The following DMXL1 variants were observed in gnomAD, a reference collection of about 807,000 sequenced individuals.
The protein encoded by DMXL1 is Dmx like 1.
A neutral mutation model predicts 319.2 loss-of-function variants in DMXL1; 99 were observed. The ratio of observed to expected loss-of-function variants is 0.31; its 90% confidence interval spans 0.26 to 0.37. The LOEUF is 0.37. Among genes scored for constraint, DMXL1 ranks in the 10% least tolerant of loss-of-function variants. DMXL1 has a pLI of 1.00. For missense variants in DMXL1, 3,745 were observed against 3,595.6 expected (o/e 1.04, Z -1.06); for synonymous variants, 1,385 against 1,235.2 (o/e 1.12, Z -2.54).
At chr5:119,227,343 A>C (rs1198446898) in intron 38 of DMXL1, among the ~76,000 whole-genome samples, 4 of 152,180 alleles carry the variant, frequency 2.6e-5, no homozygotes, top group Non-Finnish European at 5.9e-5. Flanking sequence ...ATATAAGCCT[A>C]GCTGAGTAAA....
chr5:119,073,205 G>T (rs1750038057), intron 1 of DMXL1, among the ~76,000 whole-genome samples: 1 of 152,180 alleles, frequency 6.6e-6, no homozygotes, highest in Admixed American at 6.6e-5. Context: ...TAGGACTACA[G>T]ATTCTAATCA....
At chr5:119,091,000 TG>T (rs1427975784) in intron 1 of DMXL1, among the ~76,000 whole-genome samples, 1 of 152,152 alleles carries the variant, frequency 6.6e-6, no homozygotes, top group Non-Finnish European at 1.5e-5. Context: ...GATTTCTGTT[TG>T]ATTTTTTAAA....
intron 4 of DMXL1, among the ~76,000 whole-genome samples, chr5:119,107,549 A>T (rs1052734345): frequency 1.3e-5 from 2 of 152,116 alleles, no homozygotes; most frequent in Non-Finnish European, 2.9e-5. Context: ...GTAATTTAAT[A>T]TCTGTAATAT....
In DMXL1 at chr5:119,170,313, C is replaced by G. The variant is rs1774295341; in HGVS notation, c.5522C>G (p.Thr1841Arg). Residue 1841 changes from threonine (T) to arginine (R), a missense_variant, in exon 24 of 44, where the codon ACA (threonine) becomes AGA (arginine). This residue lies in a region of DMXL1 where 1,382 missense variants were observed against 1,269.5 expected (regional missense o/e 1.09). Transcript: ENST00000539542. ...SDTFSTHMSL[T>R]GKSGLAGTIN... The stretch of plus-strand genomic sequence containing the variant: ...ACATTTTCCACACATATGAGCCTAA[C>G]AGGAAAAAGTGGACTGGCAGGAACA... 6.2e-7 allele frequency: 1 copy of G among 1,613,910 alleles called. No individual in the cohort carries two copies. The highest frequency in any genetic ancestry group is 8.5e-7 in the Non-Finnish European group (1 of 1,179,948).
At chr5:119,177,943 T>G in intron 27 of DMXL1, 53 bp from the exon 28 acceptor site, 2 of 1,464,510 alleles carry the variant, frequency 1.4e-6, no homozygotes, top group Non-Finnish European at 1.8e-6. Context: ...AGTTAATTTT[T>G]AAAATTTTAA....
chr5:119,153,285 C>G (rs1268638450), intron 19 of DMXL1, among the ~76,000 whole-genome samples: 1 of 152,062 alleles, frequency 6.6e-6, no homozygotes, highest in South Asian at 2.1e-4. Context: ...GCCAAATTCT[C>G]TTTAAAATTT....
chr5:119,098,233 T>C (rs375813579), intron 2 of DMXL1, 129 bp downstream of exon 2: 1 of 1,087,410 alleles, frequency 9.2e-7, no homozygotes, highest in Non-Finnish European at 1.3e-6. Flanking sequence ...GCTAGAAGAA[T>C]TTTTGGCTGT....
chr5:119,159,790 A>T (rs1771889044), intron 19 of DMXL1, among the ~76,000 whole-genome samples: 1 of 151,998 alleles, frequency 6.6e-6, no homozygotes, highest in East Asian at 1.9e-4. Context: ...CACCCAGCTA[A>T]TTTTTGTATT....
intron 4 of DMXL1, among the ~76,000 whole-genome samples, chr5:119,109,441 A>G (rs1220199834): frequency 3.9e-5 from 6 of 152,088 alleles, no homozygotes; most frequent in African/African-American, 7.2e-5. Context: ...CCCCACTGCC[A>G]CTTGAAAATC....
chr5:119,116,038 T>C, intron 6 of DMXL1, 120 bp from the exon 7 acceptor site: 1 of 861,340 alleles, frequency 1.2e-6, no homozygotes, highest in Non-Finnish European at 1.7e-6. Flanking sequence ...TCCTCTGTGC[T>C]CAACGTCTCT....
intron 41 of DMXL1, among the ~76,000 whole-genome samples, chr5:119,239,972 A>G (rs1022635260): frequency 6.7e-6 from 1 of 150,310 alleles, no homozygotes; most frequent in African/African-American, 2.5e-5. Context: ...AAAAAAAAAA[A>G]AACAAAAAAT....
At chr5:119,189,543 T>C (rs1778339143) in intron 28 of DMXL1, among the ~76,000 whole-genome samples, 165 bp from the exon 29 acceptor site, 1 of 152,238 alleles carries the variant, frequency 6.6e-6, no homozygotes, top group South Asian at 2.1e-4. Flanking sequence ...GAAATGATTT[T>C]TGTCTTCCTC....
chr5:119,218,575 G>C (rs1011837536), intron 35 of DMXL1, among the ~76,000 whole-genome samples: 1 of 152,126 alleles, frequency 6.6e-6, no homozygotes. Context: ...TCCTGCCTCA[G>C]CCTCCCAAGT....
At chr5:119,123,256 C>T (rs1392338085) in intron 9 of DMXL1, among the ~76,000 whole-genome samples, 2 of 150,550 alleles carry the variant, frequency 1.3e-5, no homozygotes, top group East Asian at 2.0e-4. Context: ...GGCGGCAGTA[C>T]AGTCCAGCTT....
intron 19 of DMXL1, among the ~76,000 whole-genome samples, chr5:119,159,413 A>G (rs543102260): frequency 3.9e-5 from 6 of 152,296 alleles, no homozygotes; most frequent in African/African-American, 1.4e-4. Context: ...GAAACTTTGT[A>G]TTACTGATTT....
At chr5:119,115,678 T>G (rs552546697) in intron 6 of DMXL1, among the ~76,000 whole-genome samples, 1 of 152,296 alleles carries the variant, frequency 6.6e-6, no homozygotes, top group South Asian at 2.1e-4. Context: ...TAAATTTGAT[T>G]GTACAAAGAA....
At chr5:119,184,973 A>C (rs908394179) in intron 28 of DMXL1, among the ~76,000 whole-genome samples, 2 of 152,170 alleles carry the variant, frequency 1.3e-5, no homozygotes, top group African/African-American at 2.4e-5. Flanking sequence ...CAGGCTTTTG[A>C]AGACATTACC....
At chr5:119,117,669 C>G (rs952756872) in intron 7 of DMXL1, among the ~76,000 whole-genome samples, 1 of 151,190 alleles carries the variant, frequency 6.6e-6, no homozygotes, top group Non-Finnish European at 1.5e-5. Context: ...GAGAGAAGCC[C>G]GGAGAGGAGG....
intron 29 of DMXL1, among the ~76,000 whole-genome samples, chr5:119,192,285 T>A (rs1372067984): frequency 6.6e-6 from 1 of 152,176 alleles, no homozygotes; most frequent in East Asian, 1.9e-4. Flanking sequence ...TTTCTCGAGT[T>A]TTACTCTGAA....
Sources: allele counts gnomAD v4.1 joint callset (sites outside exome capture counted in the v4.1 genomes callset), GRCh38; gene constraint gnomAD v4.1.1; regional missense constraint gnomAD v4.1.1; transcripts MANE v1.5; gene names NCBI Gene and HGNC (gene_info 2026-07-23, HGNC 2026-07-21).